The following TMCC1 variants were observed in gnomAD, a reference collection of about 807,000 sequenced individuals.
The protein encoded by TMCC1 is transmembrane and coiled-coil domains protein 1.
In TMCC1, 15 loss-of-function variants were observed where a neutral mutation model predicts 52.4. The observed-to-expected ratio is 0.29, with a 90% CI of 0.19 to 0.44. TMCC1 has a LOEUF of 0.44. Ranked by LOEUF, TMCC1 falls within the 20% of genes least tolerant of loss-of-function variation. The pLI, the probability that TMCC1 is intolerant of heterozygous loss-of-function variation, is 1.00. For synonymous variants in TMCC1, 279 were observed against 301.9 expected (o/e 0.92, Z 0.79); for missense variants, 503 against 806.0 (o/e 0.62, Z 4.55).
At chr3:129,867,069 C>T (rs77951593) in intron 2 of TMCC1, 96 of 152,000 alleles carry the variant, frequency 6.3e-4, no homozygotes, top group African/African-American at 2.2e-3. Flanking sequence ...CTCACCTACA[C>T]GAGTCTCATC....
chr3:129,875,365 G>A (rs2061146020), intron 2 of TMCC1, among the ~76,000 whole-genome samples: 2 of 151,394 alleles, frequency 1.3e-5, no homozygotes, highest in Non-Finnish European at 2.9e-5. Context: ...GGTAGCCGGC[G>A]CCTGTAATCC....
At position 129,863,643 on chromosome 3, in the gene TMCC1, C is replaced by T. The variant is rs113068736; in HGVS notation, c.-184+16666G>A. 7.9e-3 allele frequency among the ~76,000 whole-genome samples: 1,206 copies of T among 152,252 alleles called. 9 individuals carry two copies. Among genetic ancestry groups the T allele is most frequent in the African/African-American group, 0.026 (1,101 of 41,548 alleles). ...TTGGGAGGCCGAGGCAGACGGATCA[C>T]CTGAGGTCAGGAGTTCAAGACCAGC... is the stretch of plus-strand genomic sequence containing the variant. On this transcript the variant is annotated intron_variant, in intron 2 of 6. Transcript: ENST00000393238.
At chr3:129,781,078 A>G in intron 4 of TMCC1, among the ~76,000 whole-genome samples, 1 of 152,112 alleles carries the variant, frequency 6.6e-6, no homozygotes, top group East Asian at 1.9e-4. Flanking sequence ...ATCTTAGGCA[A>G]AACCTCTTAC....
chr3:129,768,529 T>C (rs2054304591), intron 4 of TMCC1, among the ~76,000 whole-genome samples: 1 of 152,186 alleles, frequency 6.6e-6, no homozygotes, highest in African/African-American at 2.4e-5. Context: ...CCCCTCTCTA[T>C]TGTCCTCTGC....
chr3:129,832,725 GAC>G (rs2058974716), intron 3 of TMCC1, 47 bp downstream of exon 3: 1 of 151,788 alleles, frequency 6.6e-6, no homozygotes, highest in Non-Finnish European at 1.5e-5. Context: ...TTTTGGTTTG[GAC>G]ATGAACCAAG....
intron 1 of TMCC1, among the ~76,000 whole-genome samples, chr3:129,882,842 T>A (rs1338890215): frequency 6.6e-6 from 1 of 152,146 alleles, no homozygotes; most frequent in East Asian, 1.9e-4. Flanking sequence ...GACAGTAGAA[T>A]AGTGGCTTCC....
At chr3:129,886,602 A>G (rs1218948251) in intron 1 of TMCC1, among the ~76,000 whole-genome samples, 1 of 152,166 alleles carries the variant, frequency 6.6e-6, no homozygotes, top group African/African-American at 2.4e-5. Context: ...GATACTTGCT[A>G]CAACATGGAT....
chr3:129,734,335 G>A (rs1314235136), intron 4 of TMCC1, among the ~76,000 whole-genome samples: 1 of 152,164 alleles, frequency 6.6e-6, no homozygotes, highest in South Asian at 2.1e-4. Context: ...TGCATAACAT[G>A]TAGAAGAGAA....
chr3:129,831,277 A>G (rs1196931290), intron 3 of TMCC1, among the ~76,000 whole-genome samples: 2 of 152,176 alleles, frequency 1.3e-5, no homozygotes, highest in African/African-American at 4.8e-5. Flanking sequence ...ATTGATTACA[A>G]GGAAATGTTA....
intron 4 of TMCC1, among the ~76,000 whole-genome samples, chr3:129,675,694 T>C (rs953634161): frequency 5.9e-5 from 9 of 152,168 alleles, no homozygotes; most frequent in Non-Finnish European, 1.2e-4. Context: ...ATGCTAGATA[T>C]AGTTGGCCTC....
At chr3:129,716,256 G>A (rs1367780943) in intron 4 of TMCC1, among the ~76,000 whole-genome samples, 21 of 147,202 alleles carry the variant, frequency 1.4e-4, no homozygotes, top group African/African-American at 4.7e-4. Context: ...TCTGCCTCCC[G>A]GGTTCAAGCG....
At chr3:129,882,381 T>G (rs1422932463) in intron 1 of TMCC1, among the ~76,000 whole-genome samples, 1 of 149,472 alleles carries the variant, frequency 6.7e-6, no homozygotes, top group East Asian at 1.9e-4. Flanking sequence ...CTGGCAAGGA[T>G]ATGGAGAAAG....
intron 2 of TMCC1, among the ~76,000 whole-genome samples, chr3:129,851,146 A>G (rs575987855): frequency 3.9e-5 from 6 of 152,246 alleles, no homozygotes; most frequent in African/African-American, 7.2e-5. Flanking sequence ...TCCCAGGATC[A>G]CTACTCAGAA....
At chr3:129,660,990 T>G (rs1030265209) in intron 5 of TMCC1, among the ~76,000 whole-genome samples, 1 of 152,194 alleles carries the variant, frequency 6.6e-6, no homozygotes, top group African/African-American at 2.4e-5. Flanking sequence ...AAGAGTTATA[T>G]AGAAACTGCT....
intron 4 of TMCC1, among the ~76,000 whole-genome samples, chr3:129,718,515 A>C (rs1330309476): frequency 6.6e-6 from 1 of 152,232 alleles, no homozygotes; most frequent in African/African-American, 2.4e-5. Context: ...TAATACCATG[A>C]GATGCGTAAG....
chr3:129,764,779 ATATATATATATTTTTTTTTTTTTTTT>A (rs1457343197), intron 4 of TMCC1, among the ~76,000 whole-genome samples: 24 of 68,048 alleles, frequency 3.5e-4, no homozygotes, highest in African/African-American at 1.1e-3. Context: ...ATATATATAT[ATATATATATATTTTTTTTTTTTTTTT>A]TTTTTTTTTT....
At chr3:129,694,626 T>G (rs920531079) in intron 4 of TMCC1, among the ~76,000 whole-genome samples, 1 of 152,238 alleles carries the variant, frequency 6.6e-6, no homozygotes, top group Non-Finnish European at 1.5e-5. Context: ...GAGTGACCTC[T>G]GTTCCTCCCC....
intron 4 of TMCC1, among the ~76,000 whole-genome samples, chr3:129,673,769 T>C (rs1215441748): frequency 6.6e-6 from 1 of 152,026 alleles, no homozygotes; most frequent in African/African-American, 2.4e-5. Flanking sequence ...GAGGATAGCT[T>C]GAACCTGGGA....
At chr3:129,833,050 G>GA (rs1215750877) in intron 2 of TMCC1, among the ~76,000 whole-genome samples, 1 of 151,780 alleles carries the variant, frequency 6.6e-6, no homozygotes, top group Non-Finnish European at 1.5e-5. Context: ...AAGTATTCTG[G>GA]AAAAAATATT....
Sources: allele counts gnomAD v4.1 joint callset (sites outside exome capture counted in the v4.1 genomes callset), GRCh38; gene constraint gnomAD v4.1.1; transcripts MANE v1.5; gene names NCBI Gene and HGNC (gene_info 2026-07-23, HGNC 2026-07-21).